PDE1C: variants seen among roughly 807,000 people sequenced by gnomAD.
The protein encoded by PDE1C is phosphodiesterase 1C.
A neutral mutation model predicts 93.1 loss-of-function variants in PDE1C; 62 were observed. The ratio of observed to expected loss-of-function variants is 0.67; its 90% CI spans 0.54 to 0.82. PDE1C has a LOEUF of 0.82. Among genes scored for constraint, PDE1C ranks in the 40% least tolerant of loss-of-function variants. The pLI, the probability that PDE1C is intolerant of heterozygous loss-of-function variation, is 0.00. For synonymous variants in PDE1C, 325 were observed against 310.1 expected, an observed-to-expected ratio of 1.05 and a Z score of -0.50; for missense variants, 742 against 884.6, an observed-to-expected ratio of 0.84 and a Z score of 2.04.
At chr7:32,217,944 C>T (rs146988349) in intron 1 of PDE1C, among the ~76,000 whole-genome samples, 68 of 152,280 alleles carry the variant, frequency 4.5e-4, no homozygotes, top group African/African-American at 1.6e-3. Flanking sequence ...ACATTAATTG[C>T]CTGGGATGAA....
rs1490256080 is a variant in PDE1C, at chr7:32,183,820, G to T, written c.137-13864C>A. On this transcript the variant is annotated intron_variant, in intron 2 of 18. Transcript: ENST00000396193. ...ACAAATAGGATCTAATTAAACTAAA[G>T]AGCTTCTGCACAGCAAAAGAAACTA... is the stretch of plus-strand genomic sequence containing the variant. 1.4e-4 allele frequency among the ~76,000 whole-genome samples: 21 copies of T among 152,236 alleles called. No homozygotes were observed. The South Asian group carries it at 4.2e-3, about 30-fold the overall frequency.
chr7:31,824,954 G>GT lies in PDE1C; in HGVS notation c.1318dup (p.Thr440AsnfsTer17). ...CTTCTCGGTCATGTCCGTAAGCACA[G>GT]TGAAGGTGGGTTCCACGATGAAATC... On this transcript the variant is annotated frameshift_variant, in exon 13 of 18. Transcript: ENST00000396191. LOFTEE classifies it high-confidence loss of function. 1 of 1,613,370 alleles carries GT rather than the reference G, an allele frequency of 6.2e-7. No individual in the cohort carries two copies. The highest frequency in any genetic ancestry group is 8.5e-7 in the Non-Finnish European group (1 of 1,179,498).
intron 9 of PDE1C, among the ~76,000 whole-genome samples, chr7:31,840,286 T>G (rs1219140979): frequency 6.6e-6 from 1 of 152,182 alleles, no homozygotes; most frequent in East Asian, 1.9e-4. Flanking sequence ...GGGAAATGTC[T>G]GTTTCAAACC....
Position 31,753,599 on chromosome 7 carries a change from C to A in PDE1C, c.1961-46G>T, listed in dbSNP as rs756282987. On this transcript the variant is annotated intron_variant, in intron 17 of 17. Coordinates refer to ENST00000396191, the MANE Select transcript of PDE1C (RefSeq NM_001191057.4). ...GACAGACAACGGTTAGCCTCACCCACGACATGCCACAACCTAAATATTGTG... is the reference window on the plus strand; with the variant it reads ...GACAGACAACGGTTAGCCTCACCCAAGACATGCCACAACCTAAATATTGTG... The A allele has an allele frequency of 1.9e-6, 3 of 1,571,226 alleles. No individual in the cohort carries two copies. In the African/African-American group the frequency reaches 4.1e-5, roughly 21 times the overall value.
chr7:32,075,650 C>T (rs184306012), upstream of PDE1C, among the ~76,000 whole-genome samples: 21 of 152,244 alleles, frequency 1.4e-4, no homozygotes, highest in East Asian at 3.7e-3. Flanking sequence ...CCACTCTAGC[C>T]CCCCTCTGAA....
the PDE1C span, among the ~76,000 whole-genome samples, chr7:31,721,149 AG>A: frequency 6.6e-6 from 1 of 152,350 alleles, no homozygotes; most frequent in African/African-American, 2.4e-5. Context: ...TCTGAAGCTC[AG>A]CCCTTATTGA....
intron 2 of PDE1C, among the ~76,000 whole-genome samples, chr7:32,194,885 CCT>C (rs1027944315): frequency 3.3e-5 from 5 of 152,042 alleles, no homozygotes; most frequent in African/African-American, 1.2e-4. Flanking sequence ...CTTACTTGAA[CCT>C]TTTTTAGAAT....
chr7:32,350,550 A>ATTTTTT lies in PDE1C; in HGVS notation c.310+77271_310+77272insAAAAAA. ...GGTCTATGCATGGCATTTGACTAAT[A>ATTTTTT]TATATATATATATATATATATATAT... is the stretch of plus-strand genomic sequence containing the variant. On this transcript the variant is annotated intron_variant, in intron 1 of 1. Transcript: ENST00000672256. Among the ~76,000 whole-genome samples, 3 of 2,006 alleles carry ATTTTTT rather than the reference A, an allele frequency of 1.5e-3. 1 individual carries two copies. Among genetic ancestry groups the ATTTTTT allele is most frequent in the Non-Finnish European group, 5.2e-3 (3 of 578 alleles). The allele number at this position is 2,006 out of a possible 152,430, so 1.3% of individuals were successfully genotyped here. A position where few individuals can be genotyped will look rare whatever the true frequency, so the allele number is the denominator to read the frequency against.
At chr7:32,083,675 G>C (rs1375176750) in intron 3 of PDE1C, among the ~76,000 whole-genome samples, 1 of 152,184 alleles carries the variant, frequency 6.6e-6, no homozygotes, top group Admixed American at 6.5e-5. Context: ...CTACAAGCCA[G>C]AAGAGAGTGG....
intron 17 of PDE1C, among the ~76,000 whole-genome samples, chr7:31,761,419 C>T (rs1225671282): frequency 6.6e-6 from 1 of 152,200 alleles, no homozygotes; most frequent in African/African-American, 2.4e-5. Flanking sequence ...CCTAACCCCA[C>T]TTTAAAATAG....
At chr7:32,009,694 G>A (rs1333027169) in intron 2 of PDE1C, among the ~76,000 whole-genome samples, 1 of 152,096 alleles carries the variant, frequency 6.6e-6, no homozygotes, top group Non-Finnish European at 1.5e-5. Flanking sequence ...AGTGCATTAA[G>A]GCAATGAAAA....
At chr7:32,311,499 T>A (rs1415434033) in intron 1 of PDE1C, among the ~76,000 whole-genome samples, 1 of 152,088 alleles carries the variant, frequency 6.6e-6, no homozygotes, top group East Asian at 1.9e-4. Context: ...GATGCAAAAA[T>A]CCTCAATAAA....
At chr7:32,037,889 T>C (rs1291484221) in intron 2 of PDE1C, among the ~76,000 whole-genome samples, 1 of 152,158 alleles carries the variant, frequency 6.6e-6, no homozygotes, top group East Asian at 1.9e-4. Flanking sequence ...GGTCAAAATT[T>C]ACCTCCATAA....
chr7:31,815,818 G>T, intron 15 of PDE1C, 106 bp downstream of exon 15: 2 of 831,016 alleles, frequency 2.4e-6, no homozygotes, highest in Non-Finnish European at 4.1e-6. Context: ...GAGCAGGGAA[G>T]CCTTGCCCTG....
intron 3 of PDE1C, among the ~76,000 whole-genome samples, chr7:32,078,841 T>A (rs959730426): frequency 6.6e-6 from 1 of 151,428 alleles, no homozygotes; most frequent in African/African-American, 2.4e-5. Flanking sequence ...CTGGGAGGAT[T>A]GCTTGAGCCC....
the PDE1C span, among the ~76,000 whole-genome samples, chr7:31,657,770 A>G: frequency 0.031 from 4,687 of 152,312 alleles, 263 homozygotes; most frequent in African/African-American, 0.11. Context: ...GTATCATTGT[A>G]CTAAATATTT....
At chr7:32,303,674 C>G (rs1812930542), upstream of PDE1C, among the ~76,000 whole-genome samples, 1 of 151,992 alleles carries the variant, frequency 6.6e-6, no homozygotes, top group Non-Finnish European at 1.5e-5. Context: ...ACTTGAGGGC[C>G]CAAAAAAGGT....
chr7:32,192,885 A>G (rs2128822239), intron 2 of PDE1C, among the ~76,000 whole-genome samples: 1 of 152,246 alleles, frequency 6.6e-6, no homozygotes, highest in African/African-American at 2.4e-5. Context: ...TCAGCATACA[A>G]GTCTTGTACC....
chr7:31,790,056 G>T lies in PDE1C; in HGVS notation c.1892-14324C>A, dbSNP rs1410642484. The T allele has an allele frequency of 2.9e-6, 4 of 1,398,134 alleles. No homozygotes were observed. In the Admixed American group the frequency reaches 1.2e-4, roughly 44 times the overall value. The allele number at this position is 1,398,134 out of a possible 1,614,324, so 86.6% of individuals were successfully genotyped here. A position where few individuals can be genotyped will look rare whatever the true frequency, so the allele number is the denominator to read the frequency against. ...CTAAGACCTCAAACCAACCCCCAAA[G>T]ATTCATCCCCTGGAAGGAGATGGTG... On this transcript the variant is annotated intron_variant, in intron 16 of 17. Coordinates refer to ENST00000396191, the MANE Select transcript of PDE1C (RefSeq NM_001191057.4).
Sources: allele counts gnomAD v4.1 joint callset (sites outside exome capture counted in the v4.1 genomes callset), GRCh38; gene constraint gnomAD v4.1.1; transcripts MANE v1.5; gene names NCBI Gene and HGNC (gene_info 2026-07-23, HGNC 2026-07-21).